The following TLR2 variants were observed in gnomAD, a reference collection of about 807,000 sequenced individuals.
TLR2 encodes toll like receptor 2.
In TLR2, 7 loss-of-function variants were observed where a neutral mutation model predicts 9.1. The ratio of observed to expected loss-of-function variants is 0.77; its 90% CI spans 0.44 to 1.44. The LOEUF (loss-of-function observed/expected upper bound fraction) is 1.44. TLR2 is among the 40% of genes most tolerant of loss of function. TLR2 has a pLI of 0.01. For missense variants in TLR2, 812 were observed against 904.6 expected (o/e 0.90, Z 1.31); for synonymous variants, 317 against 344.6 (o/e 0.92, Z 0.89).
downstream of TLR2, chr4:153,710,379 C>A: frequency 6.4e-7 from 1 of 1,554,900 alleles, no homozygotes; most frequent in East Asian, 2.4e-5. Flanking sequence ...CTATTCCAGC[C>A]CTAGTGAATA....
chr4:153,695,373 G>A (rs945358298), intron 2 of TLR2, among the ~76,000 whole-genome samples: 1 of 152,140 alleles, frequency 6.6e-6, no homozygotes, highest in Non-Finnish European at 1.5e-5. Context: ...CATTTTAACT[G>A]GGGTGAAATG....
intron 2 of TLR2, among the ~76,000 whole-genome samples, chr4:153,694,500 AAG>A (rs1736351979): frequency 6.6e-6 from 1 of 152,234 alleles, no homozygotes; most frequent in Non-Finnish European, 1.5e-5. Flanking sequence ...TAGACAAACT[AAG>A]AGAATCCTGT....
At chr4:153,699,294 T>C (rs1336699499) in intron 2 of TLR2, among the ~76,000 whole-genome samples, 6 of 152,216 alleles carry the variant, frequency 3.9e-5, no homozygotes, top group South Asian at 2.1e-4. Context: ...CAGTGTGGAT[T>C]AGGGATTCTA....
At position 153,703,311 on chromosome 4, in the gene TLR2, CT is replaced by C; in HGVS notation, c.406del (p.Tyr136ThrfsTer4). On this transcript the variant is annotated frameshift_variant, in exon 3 of 3. Coordinates refer to ENST00000642700, the MANE Select transcript of TLR2 (RefSeq NM_001318789.2). LOFTEE classifies it low-confidence loss of function (END_TRUNC). ...ACATTCTTAAACTTACTGGGAAATC[CT>C]TACAAAACCCTAGGGGAAACATCTC... ...SLTFLNLLGN[P>X]YKTLGETSLF... is the part of the protein sequence containing the mutation. The C allele has an allele frequency of 6.2e-7, 1 of 1,612,310 alleles. No individual in the cohort carries two copies. The highest frequency in any genetic ancestry group is 8.5e-7 in the Non-Finnish European group (1 of 1,179,630).
intron 2 of TLR2, among the ~76,000 whole-genome samples, chr4:153,701,274 G>A (rs1387959999): frequency 1.3e-5 from 2 of 152,124 alleles, no homozygotes; most frequent in African/African-American, 2.4e-5. Flanking sequence ...TCAGGTATGG[G>A]ATTAGCATCC....
intron 2 of TLR2, among the ~76,000 whole-genome samples, chr4:153,698,107 G>T (rs986260368): frequency 3.3e-5 from 5 of 152,106 alleles, no homozygotes; most frequent in Non-Finnish European, 5.9e-5. Flanking sequence ...AAATCGTAAA[G>T]TGTTCTTTTA....
At chr4:153,693,710 C>T (rs189882677) in intron 2 of TLR2, among the ~76,000 whole-genome samples, 150 of 152,332 alleles carry the variant, frequency 9.8e-4, no homozygotes, top group African/African-American at 3.2e-3. Flanking sequence ...TTCCTTCCTC[C>T]TCATCTTTAG....
downstream of TLR2, among the ~76,000 whole-genome samples, chr4:153,706,555 T>C (rs1737338959): frequency 6.6e-6 from 1 of 152,252 alleles, no homozygotes; most frequent in African/African-American, 2.4e-5. Context: ...TAAAGGTAGA[T>C]ACTACTACCA....
At chr4:153,685,949 T>A (rs939923452) in intron 1 of TLR2, among the ~76,000 whole-genome samples, 2 of 152,118 alleles carry the variant, frequency 1.3e-5, no homozygotes, top group African/African-American at 4.8e-5. Flanking sequence ...GTCTGGGAAG[T>A]CCAAGATTGA....
chr4:153,702,602 TC>T, intron 2 of TLR2: 1 of 286,618 alleles, frequency 3.5e-6, no homozygotes, highest in Non-Finnish European at 6.5e-6. Context: ...ACTCTTCCAA[TC>T]CATGTTATTG....
chr4:153,692,800 T>C (rs1352828648), intron 2 of TLR2, among the ~76,000 whole-genome samples: 1 of 152,216 alleles, frequency 6.6e-6, no homozygotes, highest in Non-Finnish European at 1.5e-5. Context: ...ATGCAAAATA[T>C]AACTACTTTG....
rs1017586261 is a variant in TLR2, at chr4:153,705,216, A to G, written c.2309A>G (p.Gln770Arg). Residue 770 changes from glutamine (Q) to arginine (R), a missense_variant, in exon 3 of 3, where the codon CAG becomes CGG. Gln to Arg is a conservative substitution (Grantham distance 43). Transcript: ENST00000642700. ...CTGGAGTGGCCCATGGACGAGGCTC[A>G]GCGGGAAGGATTTTGGGTAAATCTG... ...TYLEWPMDEA[Q>R]REGFWVNLRA... is the part of the protein sequence containing the mutation. The G allele has an allele frequency of 9.4e-6, 15 of 1,603,864 alleles. No individual in the cohort carries two copies. The African/African-American group carries it at 1.9e-4, about 20-fold the overall frequency.
At chr4:153,686,569 A>G (rs1429716934) in intron 1 of TLR2, among the ~76,000 whole-genome samples, 1 of 152,186 alleles carries the variant, frequency 6.6e-6, no homozygotes, top group African/African-American at 2.4e-5. Context: ...CAATATTACT[A>G]TTAGACAAAA....
At chr4:153,693,302 G>C (rs1736250198) in intron 2 of TLR2, among the ~76,000 whole-genome samples, 2 of 152,158 alleles carry the variant, frequency 1.3e-5, no homozygotes, top group African/African-American at 2.4e-5. Flanking sequence ...ATTACAAAAG[G>C]AGAACCTGTT....
downstream of TLR2, among the ~76,000 whole-genome samples, chr4:153,709,060 TC>T (rs1737423395): frequency 2.6e-5 from 4 of 152,134 alleles, no homozygotes; most frequent in Admixed American, 2.6e-4. Context: ...TGCTCCAACC[TC>T]ACCCTTTGCA....
intron 2 of TLR2, among the ~76,000 whole-genome samples, chr4:153,691,520 G>A (rs1420259267): frequency 6.6e-6 from 1 of 152,200 alleles, no homozygotes; most frequent in Non-Finnish European, 1.5e-5. Flanking sequence ...ACACCAGTAA[G>A]TGAATGCTGA....
Position 153,703,468 on chromosome 4 carries a change from G to A in TLR2, c.561G>A (p.Gln187=). ...TTGAGATTGATGCTTCAGATCTACA[G>A]AGCTATGAGCCAAAAAGTTTGAAGT... ...EELEIDASDL[Q]SYEPKSLKSI... Residue 187 remains glutamine (Q), a synonymous_variant, in exon 3 of 3, where the codon CAG becomes CAA. Transcript: ENST00000642700. 1 of 1,613,722 alleles carries A rather than the reference G, an allele frequency of 6.2e-7. No individual in the cohort carries two copies. Among genetic ancestry groups the A allele is most frequent in the Non-Finnish European group, 8.5e-7 (1 of 1,179,888 alleles).
intron 2 of TLR2, among the ~76,000 whole-genome samples, chr4:153,691,033 C>T (rs1372782755): frequency 6.6e-6 from 1 of 152,148 alleles, no homozygotes; most frequent in African/African-American, 2.4e-5. Context: ...CATTAATAGG[C>T]ATATCAAAAG....
downstream of TLR2, among the ~76,000 whole-genome samples, chr4:153,709,326 G>A (rs1737429745): frequency 6.6e-6 from 1 of 152,152 alleles, no homozygotes; most frequent in Non-Finnish European, 1.5e-5. Context: ...AATTGTAATG[G>A]CTTCAAGTAT....
Sources: gnomAD v4.1 joint callset for allele counts (sites outside exome capture counted in the v4.1 genomes callset) on GRCh38, gnomAD v4.1.1 for gene constraint, MANE v1.5 for transcripts, NCBI Gene and HGNC (gene_info 2026-07-23, HGNC 2026-07-21) for gene names.